The following CCSER2 variants were observed in gnomAD, a reference collection of about 807,000 sequenced individuals.
CCSER2 encodes the protein serine-rich coiled-coil domain-containing protein 2.
In CCSER2, 46 loss-of-function variants were observed where a neutral mutation model predicts 92.3. That is an observed-to-expected ratio of 0.50 (90% CI 0.39 to 0.64). The LOEUF is 0.64. CCSER2 is among the 30% of genes least tolerant of loss of function. The pLI, the probability that CCSER2 is intolerant of heterozygous loss-of-function variation, is 0.00. For synonymous variants in CCSER2, 433 were observed against 431.4 expected, an observed-to-expected ratio of 1.00 and a Z score of -0.04; for missense variants, 1,244 against 1,238.9, an observed-to-expected ratio of 1.00 and a Z score of -0.06.
chr10:84,363,035 TG>T (rs1845589553), intron 1 of CCSER2, among the ~76,000 whole-genome samples: 1 of 149,136 alleles, frequency 6.7e-6, no homozygotes, highest in Admixed American at 6.7e-5. Context: ...TTAGTAGAGA[TG>T]GGGTTTTACC....
chr10:84,400,283 A>G lies in CCSER2; in HGVS notation c.1615-17488A>G, dbSNP rs1554841173. On this transcript the variant is annotated intron_variant, in intron 3 of 9. Coordinates refer to ENST00000372088, the MANE Select transcript of CCSER2 (RefSeq NM_001284240.2). ...TATGCTCTTAATGTCGTATCAAAGA[A>G]TTCATTACCAGTCCAAAGTAAAAGT... Among the ~76,000 whole-genome samples the G allele has an allele frequency of 2.0e-5, 3 of 152,140 alleles. 1 individual carries two copies. The highest frequency in any genetic ancestry group is 4.4e-5 in the Non-Finnish European group (3 of 68,028).
chr10:84,331,441 G>A (rs1028340291), intron 1 of CCSER2, among the ~76,000 whole-genome samples: 1 of 152,122 alleles, frequency 6.6e-6, no homozygotes, highest in Non-Finnish European at 1.5e-5. Context: ...TGCTTGGGGC[G>A]CTCTCTCCAG....
At chr10:84,374,016 A>G (rs1846202574) in intron 3 of CCSER2, 5 of 1,143,404 alleles carry the variant, frequency 4.4e-6, no homozygotes, top group Non-Finnish European at 6.0e-6. Context: ...TGACTTAAAT[A>G]TACTCAACAT....
intron 9 of CCSER2, among the ~76,000 whole-genome samples, chr10:84,478,546 C>T (rs1401935402): frequency 6.6e-6 from 1 of 152,106 alleles, no homozygotes; most frequent in Non-Finnish European, 1.5e-5. Flanking sequence ...TGTTTCTTTT[C>T]ATCTAACAAG....
chr10:84,428,423 CT>C (rs1466342310), intron 5 of CCSER2, among the ~76,000 whole-genome samples: 1 of 152,168 alleles, frequency 6.6e-6, no homozygotes, highest in Non-Finnish European at 1.5e-5. Flanking sequence ...AGCAGGAATG[CT>C]TACATGCATG....
chr10:84,471,461 A>G (rs187538711), intron 8 of CCSER2, among the ~76,000 whole-genome samples: 2 of 152,254 alleles, frequency 1.3e-5, no homozygotes, highest in East Asian at 1.9e-4. Context: ...ACAAAAATAT[A>G]TTACAGAGCA....
intron 1 of CCSER2, among the ~76,000 whole-genome samples, chr10:84,348,156 G>A (rs1265836587): frequency 3.9e-5 from 6 of 152,340 alleles, no homozygotes. Context: ...ACTCCAGCCT[G>A]GGCAACATTG....
chr10:84,463,842 T>C, intron 6 of CCSER2, 91 bp from the exon 7 acceptor site: 1 of 817,562 alleles, frequency 1.2e-6, no homozygotes. Flanking sequence ...GTCTTCACCA[T>C]GCTAGCATTT....
At chr10:84,394,428 GTCAT>G (rs1841715037) in intron 3 of CCSER2, among the ~76,000 whole-genome samples, 1 of 107,290 alleles carries the variant, frequency 9.3e-6, no homozygotes, top group Admixed American at 9.1e-5. Flanking sequence ...TGTGTGTTGG[GTCAT>G]TCAGAAGCTT....
At chr10:84,443,384 A>AT (rs1254082140) in intron 6 of CCSER2, among the ~76,000 whole-genome samples, 1 of 152,240 alleles carries the variant, frequency 6.6e-6, no homozygotes, top group Non-Finnish European at 1.5e-5. Context: ...GCCAACAAAC[A>AT]TGAAAAAAAG....
At chr10:84,383,955 T>G (rs1841053738) in intron 3 of CCSER2, among the ~76,000 whole-genome samples, 1 of 152,170 alleles carries the variant, frequency 6.6e-6, no homozygotes, top group South Asian at 2.1e-4. Flanking sequence ...GTGATAAAGG[T>G]GATTTTACAA....
At chr10:84,420,834 G>T (rs1383061442) in intron 4 of CCSER2, among the ~76,000 whole-genome samples, 1 of 151,022 alleles carries the variant, frequency 6.6e-6, no homozygotes, top group Non-Finnish European at 1.5e-5. Flanking sequence ...TTGGGAGACT[G>T]AGGCAGGAGA....
intron 8 of CCSER2, among the ~76,000 whole-genome samples, chr10:84,473,674 T>A (rs1846954778): frequency 6.6e-6 from 1 of 152,208 alleles, no homozygotes; most frequent in African/African-American, 2.4e-5. Flanking sequence ...TTTCACATTA[T>A]CAAATTAAAA....
intron 1 of CCSER2, among the ~76,000 whole-genome samples, chr10:84,358,201 A>T (rs1182961645): frequency 6.6e-6 from 1 of 152,154 alleles, no homozygotes; most frequent in Non-Finnish European, 1.5e-5. Flanking sequence ...CCAGATGGTG[A>T]CTTAAGTTTA....
At chr10:84,346,536 C>A (rs1466998441) in intron 1 of CCSER2, among the ~76,000 whole-genome samples, 2 of 151,940 alleles carry the variant, frequency 1.3e-5, no homozygotes, top group Non-Finnish European at 2.9e-5. Flanking sequence ...AAACCATGGG[C>A]ATATGTAGGA....
intron 3 of CCSER2, among the ~76,000 whole-genome samples, chr10:84,376,334 T>A (rs1846336733): frequency 6.6e-6 from 1 of 152,160 alleles, no homozygotes; most frequent in African/African-American, 2.4e-5. Flanking sequence ...ATCATCCATA[T>A]TAAGATATAG....
chr10:84,482,454 G>T (rs536852350), intron 9 of CCSER2, among the ~76,000 whole-genome samples: 1 of 152,182 alleles, frequency 6.6e-6, no homozygotes, highest in Non-Finnish European at 1.5e-5. Flanking sequence ...TAAGCATAGT[G>T]TACAGATCCA....
chr10:84,440,903 T>C (rs1245075498), intron 6 of CCSER2, among the ~76,000 whole-genome samples: 2 of 152,244 alleles, frequency 1.3e-5, no homozygotes, highest in African/African-American at 4.8e-5. Flanking sequence ...AACAGTCTAC[T>C]ACATTCTGAT....
At chr10:84,480,274 C>T (rs1847383924) in intron 9 of CCSER2, among the ~76,000 whole-genome samples, 1 of 152,054 alleles carries the variant, frequency 6.6e-6, no homozygotes, top group Non-Finnish European at 1.5e-5. Context: ...CTTTTTGCCT[C>T]AGCCTCCCCA....
Sources: allele counts gnomAD v4.1 joint callset (sites outside exome capture counted in the v4.1 genomes callset), GRCh38; gene constraint gnomAD v4.1.1; transcripts MANE v1.5; gene names NCBI Gene and HGNC (gene_info 2026-07-23, HGNC 2026-07-21).